Variants in DLG2 observed in about 807,000 individuals in gnomAD.
DLG2 encodes the protein discs large MAGUK scaffold protein 2.
A neutral mutation model predicts 132.5 loss-of-function variants in DLG2; 45 were observed. That is an observed-to-expected ratio of 0.34 (90% confidence interval 0.27 to 0.44). DLG2 has a LOEUF of 0.44. Ranked by LOEUF, DLG2 falls within the 20% of genes least tolerant of loss-of-function variation. The pLI, the probability that DLG2 is intolerant of heterozygous loss-of-function variation, is 1.00. For missense variants in DLG2, 1,045 were observed against 1,196.9 expected (o/e 0.87, Z 1.87); for synonymous variants, 424 against 419.6 (o/e 1.01, Z -0.13).
chr11:84,977,304 G>C (rs757668359), intron 6 of DLG2, among the ~76,000 whole-genome samples: 22 of 152,092 alleles, frequency 1.4e-4, no homozygotes, highest in Admixed American at 2.0e-4. Flanking sequence ...CTCTATGTGA[G>C]TAGGCAACAT....
chr11:83,495,169 CAGT>C (rs1169499615), intron 21 of DLG2, among the ~76,000 whole-genome samples: 4 of 152,062 alleles, frequency 2.6e-5, no homozygotes, highest in Admixed American at 2.0e-4. Flanking sequence ...CTAATTATGA[CAGT>C]GGTGGCAGTG....
At chr11:84,648,793 C>A (rs563945405) in intron 6 of DLG2, among the ~76,000 whole-genome samples, 1 of 151,634 alleles carries the variant, frequency 6.6e-6, no homozygotes, top group Non-Finnish European at 1.5e-5. Context: ...ATATATATAT[C>A]TCACACACAC....
intron 16 of DLG2, among the ~76,000 whole-genome samples, chr11:83,858,085 A>T (rs1299125511): frequency 1.3e-5 from 2 of 152,192 alleles, no homozygotes; most frequent in Non-Finnish European, 2.9e-5. Context: ...TGGTTAAGAG[A>T]TGAAGACATT....
At chr11:83,997,730 C>CAAAAAAAAAA (rs71066079) in intron 11 of DLG2, among the ~76,000 whole-genome samples, 3 of 24,776 alleles carry the variant, frequency 1.2e-4, no homozygotes, top group African/African-American at 3.0e-4. Flanking sequence ...GACTCCATCT[C>CAAAAAAAAAA]AAAAAAAAAA....
intron 11 of DLG2, among the ~76,000 whole-genome samples, chr11:84,030,801 C>T (rs1405535206): frequency 6.6e-6 from 1 of 152,110 alleles, no homozygotes; most frequent in Non-Finnish European, 1.5e-5. Context: ...TGGAATTCTT[C>T]TAACAACAGG....
At chr11:83,617,875 T>C (rs2061070111) in intron 19 of DLG2, among the ~76,000 whole-genome samples, 1 of 152,116 alleles carries the variant, frequency 6.6e-6, no homozygotes, top group African/African-American at 2.4e-5. Context: ...TGCATGGCTA[T>C]AGTCCCAGGT....
intron 4 of DLG2, among the ~76,000 whole-genome samples, chr11:85,162,891 T>C (rs576182964): frequency 3.9e-5 from 6 of 152,302 alleles, no homozygotes; most frequent in African/African-American, 1.4e-4. Flanking sequence ...GGTGTGTCTG[T>C]GAGGTTGTTG....
chr11:85,341,468 G>C (rs2082497655), intron 3 of DLG2, among the ~76,000 whole-genome samples: 1 of 152,188 alleles, frequency 6.6e-6, no homozygotes, highest in African/African-American at 2.4e-5. Context: ...AGTAAAGACA[G>C]TTTTATTGTT....
At chr11:84,541,255 C>G (rs1313203725) in intron 6 of DLG2, among the ~76,000 whole-genome samples, 1 of 151,818 alleles carries the variant, frequency 6.6e-6, no homozygotes, top group African/African-American at 2.4e-5. Flanking sequence ...TGTTTCAGCT[C>G]TAAGGGGAGT....
chr11:84,801,266 G>A (rs1021947004), intron 6 of DLG2, among the ~76,000 whole-genome samples: 1 of 152,076 alleles, frequency 6.6e-6, no homozygotes, highest in Non-Finnish European at 1.5e-5. Flanking sequence ...GTCCAAGAAG[G>A]TTATTAGAAA....
intron 18 of DLG2, among the ~76,000 whole-genome samples, chr11:83,706,646 C>A (rs1283470649): frequency 2.0e-5 from 3 of 152,248 alleles, no homozygotes; most frequent in Non-Finnish European, 2.9e-5. Context: ...TCAGAACTAT[C>A]TATCCAAGGG....
At chr11:84,122,584 CA>C (rs34680496) in intron 9 of DLG2, among the ~76,000 whole-genome samples, 110,856 of 151,476 alleles carry the variant, frequency 0.73, 42,088 homozygotes, top group Middle Eastern at 0.87. Flanking sequence ...GGCAAACAAA[CA>C]AAAAAAAAAG....
At chr11:85,089,796 A>G (rs2068475782) in intron 6 of DLG2, among the ~76,000 whole-genome samples, 2 of 152,182 alleles carry the variant, frequency 1.3e-5, no homozygotes, top group Admixed American at 1.3e-4. Flanking sequence ...AAGAAGATAC[A>G]CAAGCGGCCA....
intron 16 of DLG2, 135 bp from the exon 17 acceptor site, chr11:83,833,905 C>T: frequency 1.1e-6 from 1 of 914,680 alleles, no homozygotes; most frequent in Non-Finnish European, 1.6e-6. Context: ...ATAACATTTG[C>T]ACATCAAGAA....
chr11:84,514,104 C>T (rs746038144), intron 7 of DLG2, among the ~76,000 whole-genome samples: 3 of 152,068 alleles, frequency 2.0e-5, no homozygotes, highest in Admixed American at 6.6e-5. Flanking sequence ...TCAACATCAC[C>T]GATCATCAGA....
At chr11:84,095,811 G>C in intron 10 of DLG2, among the ~76,000 whole-genome samples, 1 of 152,128 alleles carries the variant, frequency 6.6e-6, no homozygotes. Flanking sequence ...TTGGGGAGAA[G>C]GTGAATTTTG....
intron 6 of DLG2, among the ~76,000 whole-genome samples, chr11:85,063,522 G>A (rs1228644200): frequency 6.6e-6 from 1 of 151,726 alleles, no homozygotes; most frequent in Non-Finnish European, 1.5e-5. Flanking sequence ...CAATCACAGT[G>A]AAAAACGGTA....
intron 16 of DLG2, among the ~76,000 whole-genome samples, chr11:83,853,330 T>C (rs755105897): frequency 6.6e-6 from 1 of 152,150 alleles, no homozygotes; most frequent in Non-Finnish European, 1.5e-5. Context: ...CTAACACTAG[T>C]TCCTCTAGGA....
chr11:83,527,399 G>T (rs1249436068), intron 21 of DLG2, among the ~76,000 whole-genome samples: 1 of 152,134 alleles, frequency 6.6e-6, no homozygotes, highest in East Asian at 1.9e-4. Context: ...GGAAATAAAT[G>T]ATTTCCTTTG....
Sources: gnomAD v4.1 joint callset for allele counts (sites outside exome capture counted in the v4.1 genomes callset) on GRCh38, gnomAD v4.1.1 for gene constraint, MANE v1.5 for transcripts, NCBI Gene and HGNC (gene_info 2026-07-23, HGNC 2026-07-21) for gene names.